GALNT13: variants seen among roughly 807,000 people sequenced by gnomAD.
GALNT13 encodes polypeptide N-acetylgalactosaminyltransferase 13.
GALNT13 carries 28 observed loss-of-function variants against 64.2 expected under a neutral mutation model. That is an observed-to-expected ratio of 0.44 (90% CI 0.32 to 0.60). The LOEUF is 0.60. Ranked by LOEUF, GALNT13 falls within the 20% of genes least tolerant of loss-of-function variation. The pLI is 0.05. For missense variants in GALNT13, 577 were observed against 669.8 expected, an observed-to-expected ratio of 0.86 and a Z score of 1.53; for synonymous variants, 214 against 224.6, an observed-to-expected ratio of 0.95 and a Z score of 0.42.
At chr2:154,161,326 C>G (rs903453082) in intron 4 of GALNT13, among the ~76,000 whole-genome samples, 6 of 151,830 alleles carry the variant, frequency 4.0e-5, no homozygotes, top group African/African-American at 1.5e-4. Context: ...TTTAAGAGAT[C>G]TAAAAGTTCA....
the GALNT13 span, among the ~76,000 whole-genome samples, chr2:153,497,497 T>C: frequency 4.6e-5 from 7 of 151,506 alleles, no homozygotes; most frequent in African/African-American, 1.7e-4. Context: ...TTAGCTACTT[T>C]TTATTTTCTT....
chr2:154,348,875 G>T (rs1449301528), intron 9 of GALNT13, among the ~76,000 whole-genome samples: 1 of 152,126 alleles, frequency 6.6e-6, no homozygotes, highest in East Asian at 1.9e-4. Flanking sequence ...AGCCTTTCCA[G>T]AAGTTTTTAA....
chr2:154,231,766 AC>A (rs1688929202), intron 4 of GALNT13, among the ~76,000 whole-genome samples: 1 of 145,900 alleles, frequency 6.9e-6, no homozygotes, highest in African/African-American at 2.5e-5. Context: ...TTTTGCCATT[AC>A]TTTCAATGGC....
the GALNT13 span, among the ~76,000 whole-genome samples, chr2:153,112,296 C>T: frequency 1.3e-5 from 2 of 152,092 alleles, no homozygotes; most frequent in Non-Finnish European, 2.9e-5. Context: ...CTCTACTCAT[C>T]CTAATGAAGG....
chr2:153,778,262 G>C, the GALNT13 span, among the ~76,000 whole-genome samples: 1 of 152,192 alleles, frequency 6.6e-6, no homozygotes, highest in Admixed American at 6.5e-5. Flanking sequence ...CAGTCTCAGA[G>C]TATTTATAGG....
the GALNT13 span, among the ~76,000 whole-genome samples, chr2:153,570,909 T>C: frequency 6.6e-6 from 1 of 152,060 alleles, no homozygotes; most frequent in African/African-American, 2.4e-5. Context: ...CAGTTTCGTT[T>C]TTTGCTTAGG....
chr2:153,295,412 A>C, the GALNT13 span, among the ~76,000 whole-genome samples: 1 of 152,054 alleles, frequency 6.6e-6, no homozygotes, highest in African/African-American at 2.4e-5. Flanking sequence ...TGTAAAGCCA[A>C]ATTGGCACCT....
chr2:153,628,557 G>C, the GALNT13 span, among the ~76,000 whole-genome samples: 20 of 151,676 alleles, frequency 1.3e-4, no homozygotes, highest in Non-Finnish European at 1.9e-4. Context: ...TAGCATGAAG[G>C]GTTGTTGAAT....
chr2:153,728,457 A>C, the GALNT13 span, among the ~76,000 whole-genome samples: 1 of 152,224 alleles, frequency 6.6e-6, no homozygotes, highest in Non-Finnish European at 1.5e-5. Context: ...GAGAACAAAG[A>C]GACAATGTAT....
At chr2:153,330,738 C>T in the GALNT13 span, among the ~76,000 whole-genome samples, 1 of 152,056 alleles carries the variant, frequency 6.6e-6, no homozygotes, top group Non-Finnish European at 1.5e-5. Context: ...GATTGTTTGA[C>T]ATCTTCATTT....
chr2:153,087,999 T>C, the GALNT13 span, among the ~76,000 whole-genome samples: 3 of 152,132 alleles, frequency 2.0e-5, no homozygotes, highest in Non-Finnish European at 4.4e-5. Context: ...TTCTTTTTTT[T>C]TCTGCTGGGT....
chr2:153,910,781 T>A (rs1028202795), intron 2 of GALNT13, among the ~76,000 whole-genome samples: 1 of 152,190 alleles, frequency 6.6e-6, no homozygotes, highest in Non-Finnish European at 1.5e-5. Context: ...TGTGCTGTTG[T>A]CTGAGAGAGT....
intron 2 of GALNT13, among the ~76,000 whole-genome samples, chr2:153,912,152 A>G (rs1471282630): frequency 6.6e-6 from 1 of 152,088 alleles, no homozygotes; most frequent in Non-Finnish European, 1.5e-5. Flanking sequence ...TCAGAAAGTC[A>G]GTATTCAGGC....
chr2:153,721,615 G>C, the GALNT13 span, among the ~76,000 whole-genome samples: 26 of 149,722 alleles, frequency 1.7e-4, no homozygotes, highest in South Asian at 4.5e-3. Context: ...GATGGAGGAA[G>C]ATCTACCAAG....
At position 154,291,850 on chromosome 2, in the gene GALNT13, G is replaced by A. The variant is rs76515309; in HGVS notation, c.976-9559G>A. Among the ~76,000 whole-genome samples, 705 of 152,366 alleles carry A rather than the reference G, an allele frequency of 4.6e-3. 4 individuals are homozygous for A. Among genetic ancestry groups the A allele is most frequent in the African/African-American group, 0.016 (681 of 41,584 alleles). Reference sequence around the variant, plus strand: ...AGCAAGCGAGGACTGCTAGCACGTTGTCACCTCTCGATGTGATTCAAACCT... The same window carrying A: ...AGCAAGCGAGGACTGCTAGCACGTTATCACCTCTCGATGTGATTCAAACCT... On this transcript the variant is annotated intron_variant, in intron 8 of 12. Transcript: ENST00000392825.
chr2:154,293,961 A>G (rs961094413), intron 8 of GALNT13, among the ~76,000 whole-genome samples: 1 of 152,220 alleles, frequency 6.6e-6, no homozygotes, highest in Non-Finnish European at 1.5e-5. Flanking sequence ...ATATTAACTT[A>G]GTATTACTAT....
chr2:154,450,847 G>T lies in GALNT13; in HGVS notation c.*296G>T. 1 of 224,620 alleles carries T rather than the reference G, an allele frequency of 4.5e-6. No homozygotes were observed. The highest frequency in any genetic ancestry group is 9.4e-5 in the East Asian group (1 of 10,602). 13.9% of individuals were successfully genotyped at this position (224,620 alleles called of 1,614,324 possible). On this transcript the variant is annotated 3_prime_UTR_variant, in exon 13 of 13. Transcript: ENST00000392825. Reference sequence around the variant, plus strand: ...ATGTTTATTGCACTCATGTCATAGGGTTAATTGGAGGTTATTTTATTTTTG... The same window carrying T: ...ATGTTTATTGCACTCATGTCATAGGTTTAATTGGAGGTTATTTTATTTTTG...
chr2:154,110,237 T>C (rs1280625653), intron 3 of GALNT13, among the ~76,000 whole-genome samples: 1 of 136,050 alleles, frequency 7.4e-6, no homozygotes, highest in African/African-American at 2.7e-5. Flanking sequence ...GGGGAGCAGG[T>C]GTGGACTAGT....
intron 11 of GALNT13, among the ~76,000 whole-genome samples, chr2:154,426,595 T>G (rs769818246): frequency 1.3e-4 from 20 of 152,222 alleles, no homozygotes; most frequent in Non-Finnish European, 2.2e-4. Context: ...ATTTGCAATT[T>G]ATATTCTTCA....
Sources: allele counts gnomAD v4.1 joint callset (sites outside exome capture counted in the v4.1 genomes callset), GRCh38; gene constraint gnomAD v4.1.1; transcripts MANE v1.5; gene names NCBI Gene and HGNC (gene_info 2026-07-23, HGNC 2026-07-21).